Variants in PCM1 observed in about 807,000 individuals in gnomAD.
The protein encoded by PCM1 is pericentriolar material 1.
PCM1 carries 157 observed loss-of-function variants against 241.9 expected under a neutral mutation model. The observed-to-expected ratio is 0.65, with a 90% confidence interval of 0.57 to 0.74. The LOEUF (loss-of-function observed/expected upper bound fraction) is 0.74. Ranked by LOEUF, PCM1 falls within the 30% of genes least tolerant of loss-of-function variation. The pLI is 0.00. For missense variants in PCM1, 3,478 were observed against 2,360.1 expected, an observed-to-expected ratio of 1.47 and a Z score of -9.81; for synonymous variants, 1,085 against 784.9, an observed-to-expected ratio of 1.38 and a Z score of -6.39.
chr8:18,028,836 T>G lies in PCM1; in HGVS notation c.*1174T>G, dbSNP rs3760. Reference sequence around the variant, plus strand: ...TGAAATACCCCATAAAAAAAGAACTTGTTGAGAGTATTTCTTTAAAATGGT... The same window carrying G: ...TGAAATACCCCATAAAAAAAGAACTGGTTGAGAGTATTTCTTTAAAATGGT... On this transcript the variant is annotated 3_prime_UTR_variant, in exon 39 of 39. Transcript: ENST00000325083. 1 of 185,776 alleles carries G rather than the reference T, an allele frequency of 5.4e-6. No individual in the cohort carries two copies. Among genetic ancestry groups the G allele is most frequent in the African/African-American group, 2.3e-5 (1 of 42,658 alleles). 11.5% of individuals were successfully genotyped at this position (185,776 alleles called of 1,614,324 possible). A position where few individuals can be genotyped will look rare whatever the true frequency, so the allele number is the denominator to read the frequency against.
intron 8 of PCM1, among the ~76,000 whole-genome samples, chr8:17,952,407 C>G (rs1265353941): frequency 6.6e-6 from 1 of 152,010 alleles, no homozygotes; most frequent in East Asian, 1.9e-4. Flanking sequence ...ACTTTTGATT[C>G]AATTACTGAT....
rs762870486 is a variant in PCM1, at chr8:17,966,485, C to G, written c.3221+12C>G. On this transcript the variant is annotated intron_variant, in intron 20 of 38. Transcript: ENST00000325083. Reference sequence around the variant, plus strand: ...AATAATGTTCAGAGGTAATCTGTTTCTTAGAAGTATTGAGACTGTATAAGA... The same window carrying G: ...AATAATGTTCAGAGGTAATCTGTTTGTTAGAAGTATTGAGACTGTATAAGA... 17 of 1,612,132 alleles carry G rather than the reference C, an allele frequency of 1.1e-5. No individual in the cohort carries two copies. The highest frequency in any genetic ancestry group is 1.4e-5 in the Non-Finnish European group (17 of 1,178,796).
At chr8:17,931,745 T>G (rs1281549633) in intron 2 of PCM1, among the ~76,000 whole-genome samples, 2 of 152,336 alleles carry the variant, frequency 1.3e-5, no homozygotes, top group African/African-American at 4.8e-5. Flanking sequence ...GTTGCCTGGC[T>G]GTTTTATTCT....
chr8:18,006,200 A>G, intron 29 of PCM1, 63 bp from the exon 30 acceptor site: 1 of 1,310,240 alleles, frequency 7.6e-7, no homozygotes, highest in Non-Finnish European at 1.0e-6. Context: ...TATTATATGG[A>G]TTGATTTTCT....
rs971451187 is a variant in PCM1 at position 18,029,359 on chromosome 8, TCTAA to T, written c.*1704_*1707del. 1.1e-4 allele frequency: 24 copies of T among 212,546 alleles called. No individual in the cohort carries two copies. The highest frequency in any genetic ancestry group is 1.9e-4 in the South Asian group (1 of 5,370). The allele number at this position is 212,546 out of a possible 1,614,324, so 13.2% of individuals were successfully genotyped here. A position where few individuals can be genotyped will look rare whatever the true frequency, so the allele number is the denominator to read the frequency against. ...GAATTCGGAGTTCTTATCCAGGTGC[TCTAA>T]CTAACTTCAGGGAAATTGGAACAAT... On this transcript the variant is annotated 3_prime_UTR_variant, in exon 39 of 39. Transcript: ENST00000325083.
At position 17,980,611 on chromosome 8, in the gene PCM1, TC is replaced by T; in HGVS notation, c.3965del (p.Ser1322LeufsTer37). The T allele has an allele frequency of 6.2e-7, 1 of 1,609,374 alleles. No homozygotes were observed. The highest frequency in any genetic ancestry group is 1.1e-5 in the South Asian group (1 of 90,022). On this transcript the variant is annotated frameshift_variant, in exon 24 of 39. Transcript: ENST00000325083. LOFTEE classifies it high-confidence loss of function. ...KNIRYESASM[S>X]STCEPCKSRN... Reference sequence around the variant, plus strand: ...TCAAGGGTATGAAAGTGCCAGTATGTCTAGCACATGTGAACCTTGCAAAAGT... The same window carrying T: ...TCAAGGGTATGAAAGTGCCAGTATGTTAGCACATGTGAACCTTGCAAAAGT...
chr8:17,944,571 T>C (rs777809555), intron 6 of PCM1, among the ~76,000 whole-genome samples: 1 of 152,166 alleles, frequency 6.6e-6, no homozygotes, highest in Non-Finnish European at 1.5e-5. Flanking sequence ...ATATAGTTGG[T>C]GAAAGTGACT....
At chr8:18,018,901 T>C (rs973852433) in intron 36 of PCM1, among the ~76,000 whole-genome samples, 5 of 125,856 alleles carry the variant, frequency 4.0e-5, no homozygotes, top group Non-Finnish European at 8.3e-5. Flanking sequence ...TACATACACA[T>C]ATATATATAT....
chr8:18,022,198 G>C (rs2093808688), intron 36 of PCM1, among the ~76,000 whole-genome samples: 1 of 152,146 alleles, frequency 6.6e-6, no homozygotes, highest in Non-Finnish European at 1.5e-5. Flanking sequence ...GTGACTTAAA[G>C]ATATAAAAGG....
chr8:18,026,057 G>A (rs1253287730), intron 38 of PCM1, among the ~76,000 whole-genome samples: 7 of 148,898 alleles, frequency 4.7e-5, no homozygotes, highest in African/African-American at 4.9e-5. Flanking sequence ...CCAGCTACTC[G>A]GGAGGCTGAG....
chr8:18,028,584 T>C lies in PCM1; in HGVS notation c.*922T>C, dbSNP rs1433220127. ...AGCCAAAGCATAGCAGTTTCTTTTG[T>C]GTGTAGTGAGGTTGAAGCAGATTTG... On this transcript the variant is annotated 3_prime_UTR_variant, in exon 39 of 39. Transcript: ENST00000325083. 9.7e-6 allele frequency: 2 copies of C among 206,878 alleles called. No individual in the cohort carries two copies. The highest frequency in any genetic ancestry group is 2.0e-5 in the Non-Finnish European group (2 of 101,310). 12.8% of individuals were successfully genotyped at this position (206,878 alleles called of 1,614,324 possible).
chr8:17,972,485 C>T lies in PCM1; in HGVS notation c.3741C>T (p.Asn1247=), dbSNP rs369452452. 48 of 1,613,800 alleles carry T rather than the reference C, an allele frequency of 3.0e-5. No individual in the cohort carries two copies. Among genetic ancestry groups the T allele is most frequent in the Middle Eastern group, 1.7e-4 (1 of 6,060 alleles). The part of the protein sequence containing the change: ...SSNRKNQLDT[N]GRRRQFDEES... ...ACCGCAAAAATCAATTAGATACAAACGGAAGAAGACGCCAGTTTGATGAAG... is the reference window on the plus strand; with the variant it reads ...ACCGCAAAAATCAATTAGATACAAATGGAAGAAGACGCCAGTTTGATGAAG... The change falls in exon 23 of 39, where the codon AAC becomes AAT. Residue 1247 remains asparagine (N), a synonymous_variant. Transcript: ENST00000325083.
At chr8:18,013,894 A>G in intron 34 of PCM1, 70 bp from the exon 35 acceptor site, 7 of 868,256 alleles carry the variant, frequency 8.1e-6, no homozygotes, top group Admixed American at 2.9e-5. Context: ...AAAACTACAC[A>G]CTAGTAATCA....
chr8:17,960,759 C>T (rs552411042), intron 15 of PCM1, among the ~76,000 whole-genome samples: 12 of 151,990 alleles, frequency 7.9e-5, no homozygotes, highest in South Asian at 6.3e-4. Flanking sequence ...CTCCTGACCT[C>T]GTGATTCGCC....
intron 29 of PCM1, among the ~76,000 whole-genome samples, chr8:17,997,040 T>C (rs2087088428): frequency 1.3e-5 from 2 of 152,140 alleles, no homozygotes; most frequent in South Asian, 4.1e-4. Context: ...ATGTCTTCTT[T>C]TAGATGGAAA....
At chr8:17,923,331 C>T (rs940440647) in intron 1 of PCM1, 143 bp downstream of exon 1, 1 of 152,420 alleles carries the variant, frequency 6.6e-6, no homozygotes, top group Non-Finnish European at 1.5e-5. Context: ...TCTTCCTGCC[C>T]CGGGCTTCCC....
rs1437425719 is a variant in PCM1 at position 17,947,412 on chromosome 8, A to G, written c.961+49A>G. 4 of 1,311,750 alleles carry G rather than the reference A, an allele frequency of 3.0e-6. No homozygotes were observed. The Admixed American group carries it at 6.4e-5, about 21-fold the overall frequency. The allele number at this position is 1,311,750 out of a possible 1,614,324, so 81.3% of individuals were successfully genotyped here. A position where few individuals can be genotyped will look rare whatever the true frequency, so the allele number is the denominator to read the frequency against. ...CTTTTTGTAAGGAAGACTCATACAT[A>G]ATTGTATTGCAGGGTGGATGCTGAT... On this transcript the variant is annotated intron_variant, in intron 7 of 38. Coordinates refer to ENST00000325083, the MANE Select transcript of PCM1 (RefSeq NM_006197.4).
In PCM1 at chr8:17,964,683, G is replaced by C; in HGVS notation, c.2770G>C (p.Asp924His). 2 of 1,613,944 alleles carry C rather than the reference G, an allele frequency of 1.2e-6. No homozygotes were observed. The highest frequency in any genetic ancestry group is 2.2e-5 in the East Asian group (1 of 44,872). The change falls in exon 18 of 39, where the codon GAT becomes CAT. Residue 924 changes from aspartate (D) to histidine (H), a missense_variant. Physicochemically the swap from Asp to His is moderately conservative, Grantham distance 81. Transcript: ENST00000325083. ...RTDEEEEEEQ[D>H]ASSNDNFSVC... is the part of the protein sequence containing the mutation. ...AGATGAAGAGGAGGAAGAAGAGCAA[G>C]ATGCCAGTTCCAATGATAACTTTTC...
intron 24 of PCM1, 34 bp downstream of exon 24, chr8:17,980,789 A>T: frequency 6.6e-7 from 1 of 1,513,130 alleles, no homozygotes; most frequent in Non-Finnish European, 9.0e-7. Flanking sequence ...TAATATAAGG[A>T]GGTTTTCAGC....
Sources: allele counts gnomAD v4.1 joint callset (sites outside exome capture counted in the v4.1 genomes callset), GRCh38; gene constraint gnomAD v4.1.1; transcripts MANE v1.5; gene names NCBI Gene and HGNC (gene_info 2026-07-23, HGNC 2026-07-21).